Variants in PRTG observed in about 807,000 individuals in gnomAD.
The protein encoded by PRTG is immunoglobulin superfamily, DCC subclass, member 5.
A neutral mutation model predicts 122.5 loss-of-function variants in PRTG; 67 were observed. The observed-to-expected ratio is 0.55, with a 90% CI of 0.45 to 0.67. PRTG has a LOEUF of 0.67. PRTG is among the 30% of genes least tolerant of loss of function. PRTG has a pLI of 0.00. For missense variants in PRTG, 1,435 were observed against 1,415.4 expected (o/e 1.01, Z -0.22); for synonymous variants, 554 against 501.1 (o/e 1.11, Z -1.41).
At chr15:55,622,671 G>A (rs553885704) in intron 18 of PRTG, among the ~76,000 whole-genome samples, 111 of 151,968 alleles carry the variant, frequency 7.3e-4, no homozygotes, top group African/African-American at 2.6e-3. Context: ...GATTACAGGC[G>A]TGAGCCACCG....
At chr15:55,707,594 G>C (rs924337723) in intron 2 of PRTG, among the ~76,000 whole-genome samples, 2 of 152,186 alleles carry the variant, frequency 1.3e-5, no homozygotes, top group African/African-American at 4.8e-5. Context: ...CAGCCATATA[G>C]AAATCCTCCA....
At position 55,693,007 on chromosome 15, in the gene PRTG, AT is replaced by A. The variant is rs989580703; in HGVS notation, c.398-9077del. Among the ~76,000 whole-genome samples, 416 of 141,868 alleles carry A rather than the reference AT, an allele frequency of 2.9e-3. 1 individual carries two copies. The highest frequency in any genetic ancestry group is 0.01 in the South Asian group (44 of 4,400). The allele number at this position is 141,868 out of a possible 152,430, so 93.1% of individuals were successfully genotyped here. Reference sequence around the variant, plus strand: ...AGGTGGATGCCACCACGGCCAGCTAATTTTTTTTTTTTTTGTATTTTCAGTA... The same window carrying A: ...AGGTGGATGCCACCACGGCCAGCTAATTTTTTTTTTTTTGTATTTTCAGTA... On this transcript the variant is annotated intron_variant, in intron 2 of 19. Coordinates refer to ENST00000389286, the MANE Select transcript of PRTG (RefSeq NM_173814.6).
intron 5 of PRTG, 37 bp downstream of exon 5, chr15:55,680,449 TTTAAG>T (rs780623900): frequency 5.7e-5 from 88 of 1,536,772 alleles, no homozygotes; most frequent in Non-Finnish European, 7.6e-5. Context: ...ATGAACAAAA[TTTAAG>T]GAAAAGACTT....
Position 55,721,233 on chromosome 15 carries a change from G to C in PRTG, c.397+19149C>G, listed in dbSNP as rs185825304. ...AGTGCTCCAGTCCAAGCCCTTATGA[G>C]TTCTCACTGTGCTGTCCCAGCCTCC... On this transcript the variant is annotated intron_variant, in intron 2 of 19. Transcript: ENST00000389286. Among the ~76,000 whole-genome samples the C allele has an allele frequency of 2.7e-3, 404 of 152,238 alleles. 2 individuals are homozygous for C. The highest frequency in any genetic ancestry group is 9.1e-3 in the African/African-American group (379 of 41,526).
chr15:55,641,949 T>C (rs926968941), intron 11 of PRTG, among the ~76,000 whole-genome samples: 4 of 147,964 alleles, frequency 2.7e-5, no homozygotes, highest in Non-Finnish European at 6.0e-5. Flanking sequence ...CCGAGGCGGG[T>C]GGATCATGAG....
chr15:55,620,900 A>G, intron 18 of PRTG, 133 bp from the exon 19 acceptor site: 1 of 793,336 alleles, frequency 1.3e-6, no homozygotes, highest in Non-Finnish European at 1.9e-6. Context: ...TTTTAGATTC[A>G]GGGAGTACAT....
At chr15:55,633,599 C>G (rs1215677631) in intron 15 of PRTG, among the ~76,000 whole-genome samples, 1 of 152,124 alleles carries the variant, frequency 6.6e-6, no homozygotes, top group Non-Finnish European at 1.5e-5. Flanking sequence ...GACACTCTCC[C>G]TATTCTTTTT....
In PRTG at chr15:55,642,516, A is replaced by C. The variant is rs942793701; in HGVS notation, c.2042-1308T>G. On this transcript the variant is annotated intron_variant, in intron 11 of 19. Coordinates refer to ENST00000389286, the MANE Select transcript of PRTG (RefSeq NM_173814.6). ...CCAGTAATCCCAGCTACTTGAGGAG[A>C]CTAAGACAGGAGAATCGCTTGCAGT... Among the ~76,000 whole-genome samples the C allele has an allele frequency of 5.5e-4, 83 of 151,366 alleles. 1 individual carries two copies. The highest frequency in any genetic ancestry group is 3.4e-3 in the Middle Eastern group (1 of 290).
chr15:55,740,290 G>C (rs549832894), intron 2 of PRTG, 92 bp downstream of exon 2: 38 of 1,204,858 alleles, frequency 3.2e-5, no homozygotes, highest in Non-Finnish European at 4.0e-5. Context: ...CTTAATGCAT[G>C]CATGATTCGG....
chr15:55,735,061 A>T (rs1244910991), intron 2 of PRTG, among the ~76,000 whole-genome samples: 1 of 152,186 alleles, frequency 6.6e-6, no homozygotes, highest in African/African-American at 2.4e-5. Flanking sequence ...TAAAATGATG[A>T]TTTTTTTAAA....
intron 1 of PRTG, among the ~76,000 whole-genome samples, chr15:55,741,688 C>T (rs2031614129): frequency 6.6e-6 from 1 of 152,156 alleles, no homozygotes; most frequent in Admixed American, 6.5e-5. Flanking sequence ...GTTGTGGATC[C>T]TTGATTACAA....
chr15:55,671,861 T>G (rs1419340330), intron 11 of PRTG, among the ~76,000 whole-genome samples: 1 of 152,208 alleles, frequency 6.6e-6, no homozygotes, highest in African/African-American at 2.4e-5. Context: ...ATGAAATTCC[T>G]TTCACTCTAC....
rs529501344 is a variant in PRTG, at chr15:55,724,157, A to G, written c.397+16225T>C. The stretch of plus-strand genomic sequence containing the variant: ...AGAGGACAATGTGTATTCTTTTGTT[A>G]GGTGGAATGCTTTTATATGTCTGCT... On this transcript the variant is annotated intron_variant, in intron 2 of 19. Transcript: ENST00000389286. 2.0e-5 allele frequency among the ~76,000 whole-genome samples: 3 copies of G among 152,186 alleles called. No individual in the cohort carries two copies. In the South Asian group the frequency reaches 6.2e-4, roughly 32 times the overall value.
intron 11 of PRTG, among the ~76,000 whole-genome samples, chr15:55,654,190 G>A (rs1341397927): frequency 6.6e-6 from 1 of 152,176 alleles, no homozygotes; most frequent in Non-Finnish European, 1.5e-5. Flanking sequence ...GCCCCATTTG[G>A]TAAGATGAGT....
chr15:55,682,852 C>T (rs571396303), intron 3 of PRTG, among the ~76,000 whole-genome samples: 4 of 152,210 alleles, frequency 2.6e-5, no homozygotes, highest in African/African-American at 7.2e-5. Context: ...TGTGAGCCAC[C>T]GTGCCGGGCT....
intron 15 of PRTG, among the ~76,000 whole-genome samples, chr15:55,635,115 A>G (rs553330510): frequency 6.1e-5 from 5 of 81,764 alleles, no homozygotes; most frequent in Non-Finnish European, 1.2e-4. Context: ...TTTTTGAGAC[A>G]GAGTCTCACT....
At position 55,637,306 on chromosome 15, in the gene PRTG, T is replaced by G. The variant is rs2059263297; in HGVS notation, c.2487A>C (p.Thr829=). The part of the protein sequence containing the change: ...PAGPPVGVKV[T]LIEDDTALVS... The stretch of plus-strand genomic sequence containing the variant: ...CCAGGGCAGTGTCATCCTCTATTAA[T>G]GTCACTTTTACTCCAACTGGTGGGC... Residue 829 remains threonine (T), a synonymous_variant, in exon 15 of 20, where the codon ACA becomes ACC. Transcript: ENST00000389286. 9.3e-6 allele frequency: 15 copies of G among 1,613,622 alleles called. No individual in the cohort carries two copies. The highest frequency in any genetic ancestry group is 1.7e-5 in the Admixed American group (1 of 59,860).
At chr15:55,722,351 G>T (rs1340160055) in intron 2 of PRTG, among the ~76,000 whole-genome samples, 68 of 152,136 alleles carry the variant, frequency 4.5e-4, no homozygotes, top group Non-Finnish European at 1.5e-4. Flanking sequence ...TATTAGTCAT[G>T]TCATTCTCAA....
chr15:55,740,692 G>GA lies in PRTG; in HGVS notation c.95-9dup, dbSNP rs759932284. On this transcript the variant is annotated splice_polypyrimidine_tract_variant and intron_variant, in intron 1 of 19. Coordinates refer to ENST00000389286, the MANE Select transcript of PRTG (RefSeq NM_173814.6). ...CGCTAAAGCACCACACTCCTATAAG[G>GA]AAAAAAAAGGAGAACGGCACATCCA... 148 of 1,580,480 alleles carry GA rather than the reference G, an allele frequency of 9.4e-5. No homozygotes were observed. Among genetic ancestry groups the GA allele is most frequent in the Non-Finnish European group, 1.1e-4 (126 of 1,166,528 alleles).
Sources: allele counts gnomAD v4.1 joint callset (sites outside exome capture counted in the v4.1 genomes callset), GRCh38; gene constraint gnomAD v4.1.1; transcripts MANE v1.5; gene names NCBI Gene and HGNC (gene_info 2026-07-23, HGNC 2026-07-21).